Variants in PANK1 observed in about 807,000 individuals in gnomAD.
The protein encoded by PANK1 is pantothenate kinase 1.
PANK1 carries 18 observed loss-of-function variants against 40.1 expected under a neutral mutation model. That is an observed-to-expected ratio of 0.45 (90% CI 0.31 to 0.67). The LOEUF (loss-of-function observed/expected upper bound fraction) is 0.67. PANK1 is among the 30% of genes least tolerant of loss of function. The pLI, the probability that PANK1 is intolerant of heterozygous loss-of-function variation, is 0.06. For missense variants in PANK1, 457 were observed against 599.6 expected (o/e 0.76, Z 2.48); for synonymous variants, 242 against 237.7 (o/e 1.02, Z -0.17).
chr10:89,622,917 T>C (rs995429082), intron 1 of PANK1, among the ~76,000 whole-genome samples: 16 of 152,266 alleles, frequency 1.1e-4, no homozygotes, highest in Admixed American at 6.5e-5. Context: ...GAGGGCTAAT[T>C]AAACAAATAA....
At position 89,644,851 on chromosome 10, in the gene PANK1, T is replaced by C; in HGVS notation, c.41A>G (p.His14Arg). 6.8e-7 allele frequency: 1 copy of C among 1,471,992 alleles called. No homozygotes were observed. Among genetic ancestry groups the C allele is most frequent in the South Asian group, 1.4e-5 (1 of 72,996 alleles). 91.2% of individuals were successfully genotyped at this position (1,471,992 alleles called of 1,614,324 possible). A position where few individuals can be genotyped will look rare whatever the true frequency, so the allele number is the denominator to read the frequency against. ...GGTGCCCACGGGGGCCCCTGGAGAGTGCGGGACCGAGCGCTCCTGCTGCCC... is the reference window on the plus strand; with the variant it reads ...GGTGCCCACGGGGGCCCCTGGAGAGCGCGGGACCGAGCGCTCCTGCTGCCC... Reference protein sequence around the residue: ...RSGQQERSVPHSPGAPVGTSA... With the variant: ...RSGQQERSVPRSPGAPVGTSA... Residue 14 changes from histidine to arginine, a missense_variant, in exon 1 of 7, where the codon CAC becomes CGC. By Grantham distance (29) the His-to-Arg change is conservative. This residue lies in a region of PANK1 where 144 missense variants were observed against 131.2 expected (regional missense o/e 1.10). Coordinates refer to ENST00000307534, the MANE Select transcript of PANK1 (RefSeq NM_148977.3).
Position 89,583,638 on chromosome 10 carries a change from G to C in PANK1, c.*768C>G, listed in dbSNP as rs1333713282. 1 of 152,086 alleles carries C rather than the reference G, an allele frequency of 6.6e-6. No individual in the cohort carries two copies. Among genetic ancestry groups the C allele is most frequent in the Admixed American group, 6.6e-5 (1 of 15,256 alleles). The allele number at this position is 152,086 out of a possible 1,614,324, so 9.4% of individuals were successfully genotyped here. ...GAAACACTACATTTATAAGCGATAG[G>C]ACAAACTTGCATATAATTTGCAACT... On this transcript the variant is annotated 3_prime_UTR_variant, in exon 7 of 7. Transcript: ENST00000307534.
intron 1 of PANK1, chr10:89,643,599 C>T (rs1483895994): frequency 1.1e-6 from 1 of 929,686 alleles, no homozygotes; most frequent in Non-Finnish European, 1.7e-6. Context: ...AAACATTAAA[C>T]TTTCACAGAA....
At chr10:89,607,463 A>G (rs1214952555) in intron 2 of PANK1, among the ~76,000 whole-genome samples, 1 of 152,228 alleles carries the variant, frequency 6.6e-6, no homozygotes, top group Non-Finnish European at 1.5e-5. Flanking sequence ...AAAAGTTTGA[A>G]ATACAGCAAG....
intron 1 of PANK1, among the ~76,000 whole-genome samples, chr10:89,641,605 G>A (rs999403467): frequency 4.0e-5 from 6 of 150,626 alleles, no homozygotes; most frequent in African/African-American, 4.8e-5. Context: ...GGTGGTGGGC[G>A]CCTGTAGTCC....
At chr10:89,591,854 C>T (rs919925732) in intron 5 of PANK1, among the ~76,000 whole-genome samples, 11 of 152,218 alleles carry the variant, frequency 7.2e-5, no homozygotes, top group African/African-American at 2.7e-4. Flanking sequence ...AAAAGACCTG[C>T]TGACCTGCTG....
At chr10:89,592,656 G>A (rs1844433572) in intron 5 of PANK1, 1 of 505,168 alleles carries the variant, frequency 2.0e-6, no homozygotes, top group East Asian at 5.7e-5. Flanking sequence ...ATCTTGCAAT[G>A]CTTCAAAACA....
At chr10:89,595,826 AAAAAAAAATATATATAT>A (rs1395185328) in intron 3 of PANK1, among the ~76,000 whole-genome samples, 4 of 77,028 alleles carry the variant, frequency 5.2e-5, no homozygotes, top group Non-Finnish European at 9.6e-5. Context: ...TAAAAAAAAA[AAAAAAAAATATATATAT>A]ATATATATAT....
intron 2 of PANK1, among the ~76,000 whole-genome samples, chr10:89,602,786 C>A (rs946137941): frequency 1.3e-5 from 2 of 152,104 alleles, no homozygotes; most frequent in African/African-American, 2.4e-5. Flanking sequence ...AACAAGTCAA[C>A]CTGCATATAT....
chr10:89,598,041 A>G (rs978323883), intron 3 of PANK1, among the ~76,000 whole-genome samples: 8 of 152,200 alleles, frequency 5.3e-5, no homozygotes, highest in African/African-American at 1.9e-4. Flanking sequence ...GGGTTTCTCA[A>G]CAGCAGCATT....
intron 1 of PANK1, among the ~76,000 whole-genome samples, chr10:89,615,150 T>A (rs1845278781): frequency 6.6e-6 from 1 of 152,038 alleles, no homozygotes; most frequent in African/African-American, 2.4e-5. Context: ...TAAAAGCAGA[T>A]AATAAAAAAA....
chr10:89,614,624 C>A (rs990743623), intron 1 of PANK1, among the ~76,000 whole-genome samples: 2 of 151,930 alleles, frequency 1.3e-5, no homozygotes, highest in Non-Finnish European at 2.9e-5. Context: ...ATGACGAAAC[C>A]CCATCTCTAC....
At chr10:89,619,696 T>C (rs185038564) in intron 1 of PANK1, among the ~76,000 whole-genome samples, 3 of 152,336 alleles carry the variant, frequency 2.0e-5, no homozygotes, top group African/African-American at 7.2e-5. Context: ...AGAGTAACAA[T>C]TCTCTCAAGG....
Position 89,585,068 on chromosome 10 carries a change from G to A in PANK1, c.1327-603C>T, listed in dbSNP as rs192260879. 6.3e-4 allele frequency among the ~76,000 whole-genome samples: 96 copies of A among 152,272 alleles called. 1 individual carries two copies. Among genetic ancestry groups the A allele is most frequent in the African/African-American group, 2.1e-3 (89 of 41,550 alleles). On this transcript the variant is annotated intron_variant, in intron 6 of 6. Coordinates refer to ENST00000307534, the MANE Select transcript of PANK1 (RefSeq NM_148977.3). Reference sequence around the variant, plus strand: ...TATATATAACAAAGTACCCTAGACTGGGTGGCTTATAAACAATAGAAATTT... The same window carrying A: ...TATATATAACAAAGTACCCTAGACTAGGTGGCTTATAAACAATAGAAATTT...
chr10:89,609,241 T>C (rs191163359), intron 2 of PANK1, among the ~76,000 whole-genome samples: 27 of 152,256 alleles, frequency 1.8e-4, no homozygotes, highest in African/African-American at 6.5e-4. Context: ...ATTTTTGTAT[T>C]TTTAGTAGAG....
chr10:89,616,263 G>C (rs1443102974), intron 1 of PANK1, among the ~76,000 whole-genome samples: 1 of 152,080 alleles, frequency 6.6e-6, no homozygotes, highest in Non-Finnish European at 1.5e-5. Context: ...CCATCTTTGA[G>C]CAACAAGTTT....
chr10:89,612,638 G>A (rs1380637221), intron 1 of PANK1, among the ~76,000 whole-genome samples: 1 of 152,204 alleles, frequency 6.6e-6, no homozygotes, highest in Admixed American at 6.5e-5. Context: ...AGGGGAAAGA[G>A]AGAGGAAGTA....
At chr10:89,602,787 C>T (rs986455187) in intron 2 of PANK1, among the ~76,000 whole-genome samples, 1 of 152,096 alleles carries the variant, frequency 6.6e-6, no homozygotes, top group Non-Finnish European at 1.5e-5. Context: ...ACAAGTCAAC[C>T]TGCATATATT....
At chr10:89,640,392 TACACAC>T (rs34655029) in intron 1 of PANK1, among the ~76,000 whole-genome samples, 1 of 149,954 alleles carries the variant, frequency 6.7e-6, no homozygotes, top group Non-Finnish European at 1.5e-5. Flanking sequence ...AAGGAGAGAA[TACACAC>T]ACACACACAC....
Sources: gnomAD v4.1 joint callset for allele counts (sites outside exome capture counted in the v4.1 genomes callset) on GRCh38, gnomAD v4.1.1 for gene constraint, gnomAD v4.1.1 regional missense constraint, MANE v1.5 for transcripts, NCBI Gene and HGNC (gene_info 2026-07-23, HGNC 2026-07-21) for gene names.